NR3C2: variants seen among roughly 807,000 people sequenced by gnomAD.
The protein encoded by NR3C2 is nuclear receptor subfamily 3 group C member 2, also known as mineralocorticoid receptor.
NR3C2 carries 15 observed loss-of-function variants against 86.4 expected under a neutral mutation model. That is an observed-to-expected ratio of 0.17 (90% CI 0.12 to 0.27). NR3C2 has a LOEUF of 0.27. Ranked by LOEUF, NR3C2 falls within the 10% of genes least tolerant of loss-of-function variation. The pLI, the probability that NR3C2 is intolerant of heterozygous loss-of-function variation, is 1.00. For missense variants in NR3C2, 960 were observed against 1,195.6 expected (o/e 0.80, Z 2.91); for synonymous variants, 458 against 450.5 (o/e 1.02, Z -0.21).
chr4:148,226,180 C>T (rs1738151940), intron 3 of NR3C2, among the ~76,000 whole-genome samples: 1 of 152,122 alleles, frequency 6.6e-6, no homozygotes, highest in African/African-American at 2.4e-5. Flanking sequence ...CACTCTGGGC[C>T]TTTTGTTTAA....
chr4:148,363,504 C>CTTTTTTTTTTTTTTTTTTTTTTTTTTTTT lies in NR3C2; in HGVS notation c.1757+71599_1757+71600insAAAAAAAAAAAAAAAAAAAAAAAAAAAAA, dbSNP rs1375693723. On this transcript the variant is annotated intron_variant, in intron 2 of 8. Transcript: ENST00000358102. ...ATTAAAGTCTAGACTTCTCATAGAT[C>CTTTTTTTTTTTTTTTTTTTTTTTTTTTTT]TCTTTTTTTTTTTTTTTGAGACGGA... Among the ~76,000 whole-genome samples, 100 of 69,758 alleles carry CTTTTTTTTTTTTTTTTTTTTTTTTTTTTT rather than the reference C, an allele frequency of 1.4e-3. 34 individuals carry two copies. Among genetic ancestry groups the CTTTTTTTTTTTTTTTTTTTTTTTTTTTTT allele is most frequent in the East Asian group, 2.6e-3 (4 of 1,558 alleles). 45.8% of individuals were successfully genotyped at this position (69,758 alleles called of 152,430 possible).
chr4:148,372,698 C>CATTA lies in NR3C2; in HGVS notation c.1757+62402_1757+62405dup, dbSNP rs201603875. ...TGATAACTTCTTTATTCTTCAAAGA[C>CATTA]ATTAACACTTGAAGTCAAACATTCA... is the stretch of plus-strand genomic sequence containing the variant. On this transcript the variant is annotated intron_variant, in intron 2 of 8. Transcript: ENST00000358102. Among the ~76,000 whole-genome samples the CATTA allele has an allele frequency of 3.5e-3, 536 of 152,274 alleles. 14 individuals carry two copies. Among genetic ancestry groups the CATTA allele is most frequent in the Admixed American group, 0.032 (488 of 15,296 alleles).
intron 2 of NR3C2, among the ~76,000 whole-genome samples, chr4:148,330,793 C>T (rs948817262): frequency 6.6e-6 from 1 of 152,092 alleles, no homozygotes; most frequent in African/African-American, 2.4e-5. Flanking sequence ...ATCATGGGGG[C>T]GGATCCCCTC....
chr4:148,213,864 C>G (rs1006444528), intron 3 of NR3C2, among the ~76,000 whole-genome samples: 1 of 152,180 alleles, frequency 6.6e-6, no homozygotes, highest in South Asian at 2.1e-4. Flanking sequence ...TACATAGTCC[C>G]CTTTTTCTTG....
At chr4:148,273,241 G>A (rs1340308512) in intron 2 of NR3C2, among the ~76,000 whole-genome samples, 1 of 152,142 alleles carries the variant, frequency 6.6e-6, no homozygotes, top group Non-Finnish European at 1.5e-5. Context: ...TTATATCAAG[G>A]ACATTATATC....
At chr4:148,159,470 A>C (rs1057165944) in intron 4 of NR3C2, among the ~76,000 whole-genome samples, 1 of 152,214 alleles carries the variant, frequency 6.6e-6, no homozygotes, top group Non-Finnish European at 1.5e-5. Context: ...CACAGTTCAA[A>C]AGAGCTTTTA....
At chr4:148,315,692 G>A (rs910850994) in intron 2 of NR3C2, among the ~76,000 whole-genome samples, 1 of 152,106 alleles carries the variant, frequency 6.6e-6, no homozygotes, top group African/African-American at 2.4e-5. Context: ...AAAGACTTAC[G>A]TATTCTGTTT....
At chr4:148,318,073 T>G (rs1449341156) in intron 2 of NR3C2, among the ~76,000 whole-genome samples, 2 of 142,284 alleles carry the variant, frequency 1.4e-5, no homozygotes, top group Non-Finnish European at 3.0e-5. Context: ...CCCCTTCCTG[T>G]GTCCATGTGA....
At chr4:148,284,759 T>G (rs1291989278) in intron 2 of NR3C2, among the ~76,000 whole-genome samples, 1 of 152,190 alleles carries the variant, frequency 6.6e-6, no homozygotes, top group Non-Finnish European at 1.5e-5. Flanking sequence ...ACTGTAATTC[T>G]ACGCCACTGT....
Position 148,436,311 on chromosome 4 carries a change from G to C in NR3C2, c.550C>G (p.Pro184Ala). 6.2e-7 allele frequency: 1 copy of C among 1,614,160 alleles called. No homozygotes were observed. The highest frequency in any genetic ancestry group is 8.5e-7 in the Non-Finnish European group (1 of 1,180,032). Residue 184 changes from proline (P) to alanine (A), a missense_variant, in exon 2 of 9, where the codon CCT becomes GCT. This residue lies in a region of NR3C2 where 680 missense variants were observed against 719.0 expected (regional missense o/e 0.95). Coordinates refer to ENST00000358102, the MANE Select transcript of NR3C2 (RefSeq NM_000901.5). ...GGGCTTTTCTCATGACACATGATAGGGCTTTTAACAACGGCGCGCATGACG... is the reference window on the plus strand; with the variant it reads ...GGGCTTTTCTCATGACACATGATAGCGCTTTTAACAACGGCGCGCATGACG... The part of the protein sequence containing the change: ...GGVMRAVVKS[P>A]IMCHEKSPSV...
intron 2 of NR3C2, among the ~76,000 whole-genome samples, chr4:148,265,360 C>T (rs1740328333): frequency 6.6e-6 from 1 of 151,920 alleles, no homozygotes; most frequent in South Asian, 2.1e-4. Context: ...AAGAATGGTG[C>T]TTGGGGAGAA....
intron 3 of NR3C2, among the ~76,000 whole-genome samples, chr4:148,257,180 C>T (rs1739873005): frequency 6.6e-6 from 1 of 152,120 alleles, no homozygotes; most frequent in South Asian, 2.1e-4. Flanking sequence ...TGTAATCTAA[C>T]GAGGGGCTTA....
chr4:148,083,054 T>C (rs1730652894), intron 8 of NR3C2, among the ~76,000 whole-genome samples: 1 of 152,062 alleles, frequency 6.6e-6, no homozygotes, highest in South Asian at 2.1e-4. Flanking sequence ...AAAGCATCTC[T>C]GAAAGAAAGG....
At chr4:148,201,829 T>C (rs975967803) in intron 3 of NR3C2, among the ~76,000 whole-genome samples, 1 of 152,194 alleles carries the variant, frequency 6.6e-6, no homozygotes, top group Admixed American at 6.5e-5. Context: ...CCCACTCCTC[T>C]ACCTATATCT....
intron 3 of NR3C2, among the ~76,000 whole-genome samples, chr4:148,219,061 AT>A (rs2149824838): frequency 1.3e-5 from 2 of 152,318 alleles, no homozygotes; most frequent in African/African-American, 4.8e-5. Context: ...TGGCTACACC[AT>A]TTTACATTTC....
intron 8 of NR3C2, among the ~76,000 whole-genome samples, chr4:148,085,421 A>C (rs1052551253): frequency 1.3e-5 from 2 of 152,226 alleles, no homozygotes; most frequent in African/African-American, 4.8e-5. Flanking sequence ...TAAGGTAGAA[A>C]TAAATAAGTT....
intron 3 of NR3C2, among the ~76,000 whole-genome samples, chr4:148,256,986 A>C (rs1739865036): frequency 6.6e-6 from 1 of 152,214 alleles, no homozygotes; most frequent in African/African-American, 2.4e-5. Context: ...TTAGGGTGAC[A>C]CACTCTAGAT....
At chr4:148,352,380 CTATCTATCT>C (rs1561058251) in intron 2 of NR3C2, among the ~76,000 whole-genome samples, 9 of 94,010 alleles carry the variant, frequency 9.6e-5, no homozygotes, top group African/African-American at 4.4e-4. Flanking sequence ...TATCATCTAT[CTATCTATCT>C]ATCTATCTAT....
At chr4:148,097,870 G>T (rs1731364025) in intron 8 of NR3C2, among the ~76,000 whole-genome samples, 1 of 151,482 alleles carries the variant, frequency 6.6e-6, no homozygotes, top group South Asian at 2.1e-4. Context: ...GACACCCCTG[G>T]CTTAAGATGT....
Sources: gnomAD v4.1 joint callset for allele counts (sites outside exome capture counted in the v4.1 genomes callset) on GRCh38, gnomAD v4.1.1 for gene constraint, gnomAD v4.1.1 regional missense constraint, MANE v1.5 for transcripts, NCBI Gene and HGNC (gene_info 2026-07-23, HGNC 2026-07-21) for gene names.